TRABD2B: variants seen among roughly 807,000 people sequenced by gnomAD.
TRABD2B encodes TraB domain containing 2B.
TRABD2B carries 14 observed loss-of-function variants against 40.1 expected under a neutral mutation model. The ratio of observed to expected loss-of-function variants is 0.35; its 90% CI spans 0.23 to 0.55. The LOEUF is 0.55. TRABD2B is among the 20% of genes least tolerant of loss of function. TRABD2B has a pLI of 0.90. For missense variants in TRABD2B, 541 were observed against 648.6 expected, an observed-to-expected ratio of 0.83 and a Z score of 1.80; for synonymous variants, 263 against 277.0, an observed-to-expected ratio of 0.95 and a Z score of 0.50.
chr1:47,890,475 C>A (rs774322882), intron 2 of TRABD2B, among the ~76,000 whole-genome samples: 1 of 152,172 alleles, frequency 6.6e-6, no homozygotes, highest in Non-Finnish European at 1.5e-5. Flanking sequence ...GCCCATGGAG[C>A]CTGCTGCTTG....
Position 47,794,595 on chromosome 1 carries a change from A to T in TRABD2B, c.979T>A (p.Phe327Ile). Residue 327 changes from phenylalanine to isoleucine, a missense_variant, in exon 4 of 7, where the codon TTC becomes ATC. Around this residue, in one of 2 missense-constraint regions of TRABD2B, gnomAD observed 369 missense variants for 492.8 expected, o/e 0.75. Transcript: ENST00000606738. ...ENEDKICFFAFGAGHFLGNNT... is the reference protein window; with the variant it reads ...ENEDKICFFAIGAGHFLGNNT... Reference sequence around the variant, plus strand: ...CCACACTGGCCCAAACCTGCTCCGAAGGCAAAGAAGCAGATCTTGTCCTCG... The same window carrying T: ...CCACACTGGCCCAAACCTGCTCCGATGGCAAAGAAGCAGATCTTGTCCTCG... The T allele has an allele frequency of 6.5e-7, 1 of 1,529,686 alleles. No homozygotes were observed. The highest frequency in any genetic ancestry group is 8.8e-7 in the Non-Finnish European group (1 of 1,142,280). The allele number at this position is 1,529,686 out of a possible 1,614,324, so 94.8% of individuals were successfully genotyped here.
chr1:47,898,784 G>A (rs1570243611), intron 2 of TRABD2B, among the ~76,000 whole-genome samples: 1 of 152,236 alleles, frequency 6.6e-6, no homozygotes, highest in East Asian at 1.9e-4. Flanking sequence ...ATGATGTATG[G>A]ATATATACCA....
chr1:47,780,896 T>G (rs72890296), intron 4 of TRABD2B, among the ~76,000 whole-genome samples: 3,826 of 152,318 alleles, frequency 0.025, 157 homozygotes, highest in African/African-American at 0.086. Flanking sequence ...CCGCAGCCTG[T>G]GATCCTAAGC....
intron 2 of TRABD2B, among the ~76,000 whole-genome samples, chr1:47,991,791 A>C (rs1195109660): frequency 6.6e-6 from 1 of 152,202 alleles, no homozygotes; most frequent in Non-Finnish European, 1.5e-5. Context: ...TAAAAATCTG[A>C]TGCACTTAAC....
intron 2 of TRABD2B, among the ~76,000 whole-genome samples, chr1:47,956,752 C>T (rs1570363576): frequency 6.6e-6 from 1 of 152,272 alleles, no homozygotes; most frequent in African/African-American, 2.4e-5. Context: ...GGAGGCCTGC[C>T]TGCCTCTGTA....
intron 2 of TRABD2B, among the ~76,000 whole-genome samples, chr1:47,908,520 G>A (rs1362757559): frequency 6.6e-6 from 1 of 152,118 alleles, no homozygotes; most frequent in Non-Finnish European, 1.5e-5. Context: ...TTCCATGGAC[G>A]GACCTGGTGC....
chr1:47,934,644 G>A (rs1264846833), intron 2 of TRABD2B, among the ~76,000 whole-genome samples: 1 of 152,224 alleles, frequency 6.6e-6, no homozygotes, highest in Non-Finnish European at 1.5e-5. Flanking sequence ...TTCTGGCTGG[G>A]GGCCCAGACT....
chr1:47,855,637 T>C (rs955634401), intron 2 of TRABD2B, among the ~76,000 whole-genome samples: 1 of 152,238 alleles, frequency 6.6e-6, no homozygotes, highest in Non-Finnish European at 1.5e-5. Flanking sequence ...CTGCTATGGA[T>C]GGAATGCTTG....
chr1:47,918,751 C>T (rs762132270), intron 2 of TRABD2B, among the ~76,000 whole-genome samples: 1 of 152,170 alleles, frequency 6.6e-6, no homozygotes, highest in Non-Finnish European at 1.5e-5. Flanking sequence ...TCTATGCCTC[C>T]ATGCAGACTG....
chr1:47,935,697 G>GT (rs1553166841), intron 2 of TRABD2B, among the ~76,000 whole-genome samples: 2 of 152,192 alleles, frequency 1.3e-5, no homozygotes, highest in Non-Finnish European at 2.9e-5. Context: ...AATTTTCTAG[G>GT]TTAGTCCTAC....
intron 2 of TRABD2B, among the ~76,000 whole-genome samples, chr1:47,920,049 T>C (rs1365705533): frequency 6.6e-6 from 1 of 152,208 alleles, no homozygotes; most frequent in Non-Finnish European, 1.5e-5. Flanking sequence ...TTTGGAGACA[T>C]TGGTCTGCTA....
chr1:47,968,383 C>T lies in TRABD2B; in HGVS notation c.666+25651G>A, dbSNP rs143276014. 1.4e-3 allele frequency among the ~76,000 whole-genome samples: 207 copies of T among 152,314 alleles called. 3 individuals carry two copies. Among genetic ancestry groups the T allele is most frequent in the African/African-American group, 4.6e-3 (191 of 41,574 alleles). On this transcript the variant is annotated intron_variant, in intron 2 of 6. Coordinates refer to ENST00000606738, the MANE Select transcript of TRABD2B (RefSeq NM_001194986.2). ...TCCCCCTACTACTCAAGTCCCCAAACCAGCTGCCAGAAGGCCAGGACCTTG... is the reference window on the plus strand; with the variant it reads ...TCCCCCTACTACTCAAGTCCCCAAATCAGCTGCCAGAAGGCCAGGACCTTG...
At chr1:47,766,917 T>C (rs1424382837) in intron 6 of TRABD2B, among the ~76,000 whole-genome samples, 1 of 151,820 alleles carries the variant, frequency 6.6e-6, no homozygotes, top group East Asian at 1.9e-4. Context: ...CAGAGAGAGA[T>C]GGAAGGAGAG....
chr1:47,987,813 C>T (rs1461449785), intron 2 of TRABD2B, among the ~76,000 whole-genome samples: 2 of 152,220 alleles, frequency 1.3e-5, no homozygotes, highest in Non-Finnish European at 1.5e-5. Flanking sequence ...GTGGGGGAGA[C>T]ACAGCGGGTG....
intron 2 of TRABD2B, among the ~76,000 whole-genome samples, chr1:47,810,374 C>G (rs567322861): frequency 6.6e-6 from 1 of 151,994 alleles, no homozygotes; most frequent in South Asian, 2.1e-4. Flanking sequence ...CCTGCCCCCC[C>G]GCCACCCATT....
chr1:47,891,161 AAT>A (rs1237519521), intron 2 of TRABD2B, among the ~76,000 whole-genome samples: 2 of 152,258 alleles, frequency 1.3e-5, no homozygotes, highest in African/African-American at 2.4e-5. Flanking sequence ...TAGTGTACAT[AAT>A]AATGCTATAG....
At chr1:47,938,775 A>G (rs184562104) in intron 2 of TRABD2B, among the ~76,000 whole-genome samples, 136 of 152,334 alleles carry the variant, frequency 8.9e-4, no homozygotes, top group Admixed American at 4.8e-3. Flanking sequence ...GGGTGAAGAC[A>G]GTGCACACAG....
intron 2 of TRABD2B, among the ~76,000 whole-genome samples, chr1:47,865,679 TA>T (rs901850345): frequency 1.3e-5 from 2 of 152,142 alleles, no homozygotes; most frequent in African/African-American, 4.8e-5. Flanking sequence ...TTTCTCACTT[TA>T]AAATAAAGGG....
intron 1 of TRABD2B, among the ~76,000 whole-genome samples, chr1:47,995,438 T>C (rs1377486122): frequency 1.3e-5 from 2 of 152,170 alleles, no homozygotes; most frequent in African/African-American, 4.8e-5. Flanking sequence ...GTATACCTGA[T>C]TTCCAACCCC....
Sources: gnomAD v4.1 joint callset for allele counts (sites outside exome capture counted in the v4.1 genomes callset) on GRCh38, gnomAD v4.1.1 for gene constraint, gnomAD v4.1.1 regional missense constraint, MANE v1.5 for transcripts, NCBI Gene and HGNC (gene_info 2026-07-23, HGNC 2026-07-21) for gene names.